Variants in TBC1D5 observed in about 807,000 individuals in gnomAD.
The protein encoded by TBC1D5 is TBC1 domain family, member 5.
TBC1D5 carries 75 observed loss-of-function variants against 100.3 expected under a neutral mutation model. The ratio of observed to expected loss-of-function variants is 0.75; its 90% CI spans 0.62 to 0.91. The LOEUF is 0.91. TBC1D5 is among the 40% of genes least tolerant of loss of function. TBC1D5 has a pLI of 0.00. For missense variants in TBC1D5, 910 were observed against 942.4 expected (o/e 0.97, Z 0.45); for synonymous variants, 323 against 325.6 (o/e 0.99, Z 0.09).
intron 1 of TBC1D5, among the ~76,000 whole-genome samples, chr3:17,661,884 C>A (rs2066693640): frequency 6.6e-6 from 1 of 151,894 alleles, no homozygotes; most frequent in South Asian, 2.1e-4. Flanking sequence ...GTTCACCTAT[C>A]TCCCTCAACT....
chr3:17,680,634 T>G (rs1481929067), intron 1 of TBC1D5, among the ~76,000 whole-genome samples: 1 of 151,396 alleles, frequency 6.6e-6, no homozygotes, highest in African/African-American at 2.5e-5. Flanking sequence ...TTATATAATT[T>G]GTGTGATATT....
At chr3:17,619,847 C>T (rs1047529554) in intron 2 of TBC1D5, among the ~76,000 whole-genome samples, 1 of 152,212 alleles carries the variant, frequency 6.6e-6, no homozygotes, top group African/African-American at 2.4e-5. Flanking sequence ...CTACAAAGAA[C>T]TTCTAAAACT....
intron 2 of TBC1D5, among the ~76,000 whole-genome samples, chr3:17,560,988 C>T (rs1227113906): frequency 6.6e-6 from 1 of 151,564 alleles, no homozygotes; most frequent in Admixed American, 6.6e-5. Context: ...TGTCTAGAGA[C>T]GCACACCTAA....
rs1290078793 is a variant in TBC1D5 at position 17,321,744 on chromosome 3, G to A, written c.996-13610C>T. Among the ~76,000 whole-genome samples the A allele has an allele frequency of 9.2e-5, 14 of 152,162 alleles. No individual in the cohort carries two copies. In the East Asian group the frequency reaches 2.7e-3, roughly 29 times the overall value. On this transcript the variant is annotated intron_variant, in intron 13 of 21. Coordinates refer to ENST00000253692, the Ensembl canonical transcript of TBC1D5. ...TTTTCTGTGCTAGTTCTTTCTTGAGGGTTGTTTTCTACTTTTGTGATTAAT... is the reference window on the plus strand; with the variant it reads ...TTTTCTGTGCTAGTTCTTTCTTGAGAGTTGTTTTCTACTTTTGTGATTAAT...
At chr3:17,624,954 C>T (rs185469398) in intron 1 of TBC1D5, among the ~76,000 whole-genome samples, 2 of 152,086 alleles carry the variant, frequency 1.3e-5, no homozygotes, top group Admixed American at 1.3e-4. Context: ...CTCTTAATAC[C>T]AGTATTAATA....
At chr3:17,323,953 G>T (rs1185377886) in intron 13 of TBC1D5, among the ~76,000 whole-genome samples, 2 of 152,158 alleles carry the variant, frequency 1.3e-5, no homozygotes, top group Non-Finnish European at 2.9e-5. Flanking sequence ...TTTAATTCAA[G>T]ACAACATAGT....
intron 1 of TBC1D5, among the ~76,000 whole-genome samples, chr3:17,718,406 G>GCTA (rs1386342904): frequency 6.6e-6 from 1 of 152,142 alleles, no homozygotes; most frequent in Non-Finnish European, 1.5e-5. Flanking sequence ...GACCATCCTA[G>GCTA]CTAACATGGT....
chr3:17,414,534 A>C (rs896664681), intron 4 of TBC1D5, among the ~76,000 whole-genome samples: 2 of 152,244 alleles, frequency 1.3e-5, no homozygotes, highest in Non-Finnish European at 2.9e-5. Flanking sequence ...ATTCAAATAG[A>C]ACAAGTAACA....
At chr3:17,680,756 T>A (rs2069338005) in intron 1 of TBC1D5, among the ~76,000 whole-genome samples, 1 of 151,446 alleles carries the variant, frequency 6.6e-6, no homozygotes, top group Non-Finnish European at 1.5e-5. Flanking sequence ...TATTTAGTAT[T>A]ATTAAAGGCT....
chr3:17,616,319 A>G (rs974571389), intron 2 of TBC1D5, among the ~76,000 whole-genome samples: 1 of 152,148 alleles, frequency 6.6e-6, no homozygotes, highest in Non-Finnish European at 1.5e-5. Context: ...TATGTGGTCA[A>G]TTTTAGAATA....
chr3:17,636,670 A>G (rs1208228884), intron 1 of TBC1D5, among the ~76,000 whole-genome samples: 4 of 151,678 alleles, frequency 2.6e-5, no homozygotes, highest in African/African-American at 9.7e-5. Context: ...GCGTGGTGGC[A>G]GGCGCCTGTA....
rs202195344 is a variant in TBC1D5, at chr3:17,307,989, T to A, written c.1138+3A>T. 18 of 1,601,160 alleles carry A rather than the reference T, an allele frequency of 1.1e-5. No homozygotes were observed. The East Asian group carries it at 4.1e-4, about 36-fold the overall frequency. Reference sequence around the variant, plus strand: ...AAATGTAGGAAAGGTCATTAATACTTACAAGCATCTCGGATGTAAAGTAAC... The same window carrying A: ...AAATGTAGGAAAGGTCATTAATACTAACAAGCATCTCGGATGTAAAGTAAC... On this transcript the variant is annotated splice_donor_region_variant and intron_variant, in intron 14 of 21. Transcript: ENST00000253692.
At chr3:17,640,391 G>A (rs2064378979) in intron 1 of TBC1D5, among the ~76,000 whole-genome samples, 1 of 151,764 alleles carries the variant, frequency 6.6e-6, no homozygotes, top group African/African-American at 2.4e-5. Context: ...AATAAAAACT[G>A]TTTCAAAGAT....
chr3:17,598,218 A>T (rs375950509), intron 2 of TBC1D5, among the ~76,000 whole-genome samples: 1 of 152,218 alleles, frequency 6.6e-6, no homozygotes, highest in Non-Finnish European at 1.5e-5. Context: ...TTAAGCTTAC[A>T]TTAGTCTTTG....
chr3:17,472,582 T>C (rs1049922811), intron 3 of TBC1D5, among the ~76,000 whole-genome samples: 5 of 152,180 alleles, frequency 3.3e-5, no homozygotes, highest in African/African-American at 1.2e-4. Context: ...CTTATCCCTA[T>C]AGAACCAGAT....
intron 3 of TBC1D5, 99 bp from the exon 4 acceptor site, chr3:17,428,618 C>A: frequency 2.3e-6 from 1 of 442,164 alleles, no homozygotes; most frequent in Non-Finnish European, 3.7e-6. Flanking sequence ...AGCCAAAAAG[C>A]ATACATCCTC....
At chr3:17,727,300 G>A (rs1258948690) in intron 1 of TBC1D5, among the ~76,000 whole-genome samples, 3 of 152,202 alleles carry the variant, frequency 2.0e-5, no homozygotes, top group Non-Finnish European at 4.4e-5. Flanking sequence ...AGAATCGCTT[G>A]ATCCCGGGAG....
intron 2 of TBC1D5, among the ~76,000 whole-genome samples, chr3:17,601,865 T>C (rs1181781000): frequency 6.6e-6 from 1 of 152,152 alleles, no homozygotes; most frequent in Non-Finnish European, 1.5e-5. Flanking sequence ...AGTCTCGCTC[T>C]GTTGCCCAGG....
chr3:17,178,699 C>A (rs911668288), intron 19 of TBC1D5, among the ~76,000 whole-genome samples: 2 of 152,160 alleles, frequency 1.3e-5, no homozygotes, highest in Non-Finnish European at 2.9e-5. Context: ...CTCACCTAGA[C>A]TGGAGTGCAG....
Sources: allele counts gnomAD v4.1 joint callset (sites outside exome capture counted in the v4.1 genomes callset), GRCh38; gene constraint gnomAD v4.1.1; transcripts MANE v1.5; gene names NCBI Gene and HGNC (gene_info 2026-07-23, HGNC 2026-07-21).